Variants in HAUS5 observed in about 807,000 individuals in gnomAD.
HAUS5 encodes HAUS augmin-like complex subunit 5.
In HAUS5, 67 loss-of-function variants were observed where a neutral mutation model predicts 94.1. The ratio of observed to expected loss-of-function variants is 0.71; its 90% CI spans 0.58 to 0.87. HAUS5 has a LOEUF of 0.87. Ranked by LOEUF, HAUS5 falls within the 40% of genes least tolerant of loss-of-function variation. The pLI, the probability that HAUS5 is intolerant of heterozygous loss-of-function variation, is 0.00. For missense variants in HAUS5, 739 were observed against 825.6 expected, an observed-to-expected ratio of 0.90 and a Z score of 1.29; for synonymous variants, 339 against 355.4, an observed-to-expected ratio of 0.95 and a Z score of 0.52.
Position 35,622,963 on chromosome 19 carries a change from C to T in HAUS5, c.1872C>T (p.Ala624=). The change falls in exon 19 of 19, where the codon GCC becomes GCT. Residue 624 remains alanine (A), a synonymous_variant. Coordinates refer to ENST00000203166, the MANE Select transcript of HAUS5 (RefSeq NM_015302.2). The part of the protein sequence containing the change: ...LPQWRLRWVQ[A]QGALQKLCS ...AGTGGCGGCTGCGCTGGGTTCAGGC[C>T]CAGGGGGCCCTGCAGAAGCTGTGCA... 6.2e-7 allele frequency: 1 copy of T among 1,612,588 alleles called. No homozygotes were observed. The highest frequency in any genetic ancestry group is 8.5e-7 in the Non-Finnish European group (1 of 1,179,298).
At position 35,621,049 on chromosome 19, in the gene HAUS5, A is replaced by G. The variant is rs540348437; in HGVS notation, c.1651+722A>G. Among the ~76,000 whole-genome samples, 61 of 152,324 alleles carry G rather than the reference A, an allele frequency of 4.0e-4. 1 individual carries two copies. Among genetic ancestry groups the G allele is most frequent in the African/African-American group, 1.4e-3 (59 of 41,560 alleles). On this transcript the variant is annotated intron_variant, in intron 17 of 18. Transcript: ENST00000203166. ...TGCCAGCCCAGATGGCTTGATGGGGAGTGAGGAGAAAGGTCCCCACCCCAG... is the reference window on the plus strand; with the variant it reads ...TGCCAGCCCAGATGGCTTGATGGGGGGTGAGGAGAAAGGTCCCCACCCCAG...
intron 6 of HAUS5, among the ~76,000 whole-genome samples, chr19:35,615,889 A>G (rs916053347): frequency 2.0e-5 from 3 of 152,214 alleles, no homozygotes; most frequent in Non-Finnish European, 4.4e-5. Context: ...CCGGAGGCCA[A>G]TGTCAGCTCA....
chr19:35,618,423 A>G lies in HAUS5; in HGVS notation c.843A>G (p.Ser281=). The change falls in exon 11 of 19, where the codon TCA becomes TCG. Residue 281 remains serine, a synonymous_variant. Transcript: ENST00000203166. ...CCAGACCCCAGGCCCCGGACCAGTC[A>G]GACTCCAGCCAGACCCTGCCGTCCA... The part of the protein sequence containing the change: ...EISRPQAPDQ[S]DSSQTLPSMV... The G allele has an allele frequency of 6.2e-7, 1 of 1,608,594 alleles. No individual in the cohort carries two copies. The highest frequency in any genetic ancestry group is 2.2e-5 in the East Asian group (1 of 44,638).
chr19:35,616,213 GA>G lies in HAUS5; in HGVS notation c.485+829del, dbSNP rs748909625. 6.6e-4 allele frequency among the ~76,000 whole-genome samples: 100 copies of G among 152,088 alleles called. 1 individual carries two copies. The highest frequency in any genetic ancestry group is 9.2e-4 in the Admixed American group (14 of 15,278). On this transcript the variant is annotated intron_variant, in intron 6 of 18. Coordinates refer to ENST00000203166, the MANE Select transcript of HAUS5 (RefSeq NM_015302.2). ...CGTGCCTGTAGTCCCAGCTACTCAG[GA>G]AGCTGAGGCAGGAGAATCACTTGAA... is the stretch of plus-strand genomic sequence containing the variant.
rs1295837274 is a variant in HAUS5, at chr19:35,612,857, C to T, written c.63C>T (p.Pro21=). Reference sequence around the variant, plus strand: ...GGGCGGTCGAAGAGATGGGGGTGCCCGTGGCGGCCCGGGCCCCGGAATCGA... The same window carrying T: ...GGGCGGTCGAAGAGATGGGGGTGCCTGTGGCGGCCCGGGCCCCGGAATCGA... ...GCWAVEEMGV[P]VAARAPESTL... The change falls in exon 1 of 19, where the codon CCC becomes CCT. Residue 21 remains proline (P), a synonymous_variant. Coordinates refer to ENST00000203166, the MANE Select transcript of HAUS5 (RefSeq NM_015302.2). 6 of 1,546,666 alleles carry T rather than the reference C, an allele frequency of 3.9e-6. No individual in the cohort carries two copies. Among genetic ancestry groups the T allele is most frequent in the African/African-American group, 1.4e-5 (1 of 72,634 alleles).
intron 1 of HAUS5, 41 bp from the exon 2 acceptor site, chr19:35,613,689 G>A (rs971751262): frequency 6.3e-7 from 1 of 1,584,202 alleles, no homozygotes; most frequent in Non-Finnish European, 8.7e-7. Context: ...CCCACACCCT[G>A]TGTGCTGCCC....
At chr19:35,619,402 T>C in intron 13 of HAUS5, 22 bp from the exon 14 acceptor site, 2 of 1,557,768 alleles carry the variant, frequency 1.3e-6, no homozygotes, top group Non-Finnish European at 1.7e-6. Context: ...GGAGTGGGTC[T>C]CAGGGTATCC....
chr19:35,614,383 G>A (rs181731588), intron 4 of HAUS5, among the ~76,000 whole-genome samples: 47 of 152,110 alleles, frequency 3.1e-4, no homozygotes, highest in South Asian at 4.1e-4. Flanking sequence ...TCAGGAGTTC[G>A]AGACCAGCCT....
At chr19:35,620,427 C>CTTAGCACACA in intron 17 of HAUS5, 100 bp downstream of exon 17, 1 of 1,072,724 alleles carries the variant, frequency 9.3e-7, no homozygotes, top group Non-Finnish European at 1.4e-6. Flanking sequence ...ACGCAGTGCC[C>CTTAGCACACA]ATTGTGTGCT....
At position 35,620,181 on chromosome 19, in the gene HAUS5, C is replaced by T. The variant is rs1048730341; in HGVS notation, c.1519-14C>T. The T allele has an allele frequency of 6.2e-7, 1 of 1,612,030 alleles. No homozygotes were observed. The highest frequency in any genetic ancestry group is 8.5e-7 in the Non-Finnish European group (1 of 1,178,488). ...AGCCCCGCCCCAGGTGACCGTCCTTCCCTCCTCCTCCAGGCCTCGGAGCTG... is the reference window on the plus strand; with the variant it reads ...AGCCCCGCCCCAGGTGACCGTCCTTTCCTCCTCCTCCAGGCCTCGGAGCTG... On this transcript the variant is annotated splice_polypyrimidine_tract_variant and intron_variant, in intron 16 of 18. Coordinates refer to ENST00000203166, the MANE Select transcript of HAUS5 (RefSeq NM_015302.2).
Position 35,619,693 on chromosome 19 carries a change from G to T in HAUS5, c.1341G>T (p.Leu447=). 1 of 1,578,200 alleles carries T rather than the reference G, an allele frequency of 6.3e-7. No individual in the cohort carries two copies. The highest frequency in any genetic ancestry group is 2.3e-5 in the East Asian group (1 of 43,286). The change falls in exon 15 of 19, where the codon CTG becomes CTT. Residue 447 remains leucine, a synonymous_variant. Coordinates refer to ENST00000203166, the MANE Select transcript of HAUS5 (RefSeq NM_015302.2). ...APQSRELLRC[L]EEEVRHLPHI... ...AGAGCCGGGAGCTGCTGCGCTGTCT[G>T]GAGGAGGAAGTCCGGCATTTGCCCC...
intron 6 of HAUS5, among the ~76,000 whole-genome samples, chr19:35,616,264 G>A (rs182911293): frequency 3.2e-3 from 493 of 151,860 alleles, no homozygotes; most frequent in African/African-American, 0.012. Flanking sequence ...GTTGCAGTGA[G>A]CCTGGATTGC....
rs1196405433 is a variant in HAUS5, at chr19:35,619,510, A to G, written c.1260+6A>G. Reference sequence around the variant, plus strand: ...TGTGCCGGAGCCCGGGGGAGGTGAGATGGGAGTTGGGGTGAGGTCTGGGTA... The same window carrying G: ...TGTGCCGGAGCCCGGGGGAGGTGAGGTGGGAGTTGGGGTGAGGTCTGGGTA... On this transcript the variant is annotated splice_donor_region_variant and intron_variant, in intron 14 of 18. Transcript: ENST00000203166. 3.1e-6 allele frequency: 5 copies of G among 1,609,372 alleles called. No individual in the cohort carries two copies. Among genetic ancestry groups the G allele is most frequent in the South Asian group, 1.1e-5 (1 of 90,278 alleles).
At position 35,623,102 on chromosome 19, in the gene HAUS5, C is replaced by A; in HGVS notation, c.*109C>A. ...CGCCAGGATTCCTCGGCAGTCGTCC[C>A]CACCCGCACCTGCAGTCCCCTCATG... On this transcript the variant is annotated 3_prime_UTR_variant, in exon 19 of 19. Coordinates refer to ENST00000203166, the MANE Select transcript of HAUS5 (RefSeq NM_015302.2). 2 of 744,540 alleles carry A rather than the reference C, an allele frequency of 2.7e-6. No homozygotes were observed. The highest frequency in any genetic ancestry group is 3.4e-5 in the South Asian group (2 of 59,046). The allele number at this position is 744,540 out of a possible 1,614,324, so 46.1% of individuals were successfully genotyped here. A position where few individuals can be genotyped will look rare whatever the true frequency, so the allele number is the denominator to read the frequency against.
Position 35,620,299 on chromosome 19 carries a change from C to G in HAUS5, c.1623C>G (p.Thr541=). The G allele has an allele frequency of 6.2e-7, 1 of 1,613,284 alleles. No individual in the cohort carries two copies. The highest frequency in any genetic ancestry group is 1.1e-5 in the South Asian group (1 of 91,030). The change falls in exon 17 of 19, where the codon ACC becomes ACG. Residue 541 remains threonine (T), a synonymous_variant. Transcript: ENST00000203166. ...GCTGGGATCTACTCCACATGAAGACCAGCCTGCCGCCAGGCCTTCCCACCC... is the reference window on the plus strand; with the variant it reads ...GCTGGGATCTACTCCACATGAAGACGAGCCTGCCGCCAGGCCTTCCCACCC... ...LWCWDLLHMK[T]SLPPGLPTQE... is the part of the protein sequence containing the mutation.
At chr19:35,615,435 C>G (rs3814983) in intron 6 of HAUS5, 49 bp downstream of exon 6, 96 of 1,466,068 alleles carry the variant, frequency 6.5e-5, no homozygotes, top group Non-Finnish European at 9.3e-7. Flanking sequence ...CAGACATTCT[C>G]TTAGAGACCT....
rs761505107 is a variant in HAUS5 at position 35,618,940 on chromosome 19, C to A, written c.1070C>A (p.Ala357Asp). ...TGTTGCCTGTGGACGGAGCTCAAGGCCCTGCACGATCAGAGCCAGGAGCTG... is the reference window on the plus strand; with the variant it reads ...TGTTGCCTGTGGACGGAGCTCAAGGACCTGCACGATCAGAGCCAGGAGCTG... ...RRCCLWTELK[A>D]LHDQSQELQD... is the part of the protein sequence containing the mutation. The change falls in exon 13 of 19, where the codon GCC becomes GAC. Residue 357 changes from alanine to aspartate, a missense_variant. Physicochemically the swap from Ala to Asp is moderately radical, Grantham distance 126. Coordinates refer to ENST00000203166, the MANE Select transcript of HAUS5 (RefSeq NM_015302.2). 6.2e-7 allele frequency: 1 copy of A among 1,613,684 alleles called. No individual in the cohort carries two copies. Among genetic ancestry groups the A allele is most frequent in the Admixed American group, 1.7e-5 (1 of 59,892 alleles).
At position 35,614,920 on chromosome 19, in the gene HAUS5, G is replaced by A. The variant is rs1349544930; in HGVS notation, c.220-122G>A. 10 of 661,360 alleles carry A rather than the reference G, an allele frequency of 1.5e-5. No homozygotes were observed. The East Asian group carries it at 2.7e-4, about 18-fold the overall frequency. The allele number at this position is 661,360 out of a possible 1,614,324, so 41.0% of individuals were successfully genotyped here. A position where few individuals can be genotyped will look rare whatever the true frequency, so the allele number is the denominator to read the frequency against. ...GGAGCCAATACCCTAATGCTTCTGTGTCAGACACAGAAACTGCTGAGCAAA... is the reference window on the plus strand; with the variant it reads ...GGAGCCAATACCCTAATGCTTCTGTATCAGACACAGAAACTGCTGAGCAAA... On this transcript the variant is annotated intron_variant, in intron 4 of 18. Transcript: ENST00000203166.
intron 6 of HAUS5, among the ~76,000 whole-genome samples, chr19:35,616,509 T>G (rs1394832415): frequency 6.6e-6 from 1 of 151,906 alleles, no homozygotes; most frequent in African/African-American, 2.4e-5. Context: ...GGTTTGGTTT[T>G]TTTGTTTTGT....
Sources: allele counts gnomAD v4.1 joint callset (sites outside exome capture counted in the v4.1 genomes callset), GRCh38; gene constraint gnomAD v4.1.1; transcripts MANE v1.5; gene names NCBI Gene and HGNC (gene_info 2026-07-23, HGNC 2026-07-21).